TEAD1: variants seen among roughly 807,000 people sequenced by gnomAD.
TEAD1 encodes transcriptional enhancer factor TEF-1.
Under a neutral mutation model 54.9 loss-of-function variants are expected in TEAD1, and 9 were observed. The observed-to-expected ratio is 0.16, with a 90% confidence interval of 0.10 to 0.29. The LOEUF is 0.29. TEAD1 is among the 10% of genes least tolerant of loss of function. The pLI is 1.00. For missense variants in TEAD1, 387 were observed against 535.9 expected (o/e 0.72, Z 2.74); for synonymous variants, 200 against 187.8 (o/e 1.07, Z -0.53).
intron 2 of TEAD1, among the ~76,000 whole-genome samples, chr11:12,694,768 G>A (rs1943543726): frequency 6.6e-6 from 1 of 152,176 alleles, no homozygotes; most frequent in Non-Finnish European, 1.5e-5. Flanking sequence ...GTGTTAGCTA[G>A]CGTGGGATTT....
intron 5 of TEAD1, among the ~76,000 whole-genome samples, chr11:12,872,796 C>T (rs958233932): frequency 3.9e-5 from 6 of 152,208 alleles, no homozygotes; most frequent in East Asian, 1.9e-4. Context: ...GACAAGGGCT[C>T]CTGAGTATTT....
chr11:12,721,334 C>G (rs1006286578), intron 2 of TEAD1, among the ~76,000 whole-genome samples: 2 of 152,128 alleles, frequency 1.3e-5, no homozygotes, highest in Admixed American at 6.5e-5. Flanking sequence ...TTTTCTGGCT[C>G]TTGCGAGTGC....
intron 3 of TEAD1, among the ~76,000 whole-genome samples, chr11:12,804,084 G>C (rs1325143156): frequency 6.6e-6 from 1 of 152,208 alleles, no homozygotes. Context: ...ATTTAATTTT[G>C]AGGCACGTGT....
At chr11:12,847,474 T>G (rs1947178065) in intron 3 of TEAD1, among the ~76,000 whole-genome samples, 2 of 131,926 alleles carry the variant, frequency 1.5e-5, no homozygotes, top group Non-Finnish European at 3.2e-5. Context: ...AATCATTCAT[T>G]GTTCAGTAGA....
chr11:12,760,556 T>C (rs886521049), intron 2 of TEAD1, among the ~76,000 whole-genome samples: 3 of 152,310 alleles, frequency 2.0e-5, no homozygotes, highest in Admixed American at 6.5e-5. Flanking sequence ...TTAAAGGATA[T>C]ATATGTATGG....
intron 3 of TEAD1, among the ~76,000 whole-genome samples, chr11:12,822,874 G>A (rs1008395392): frequency 1.3e-5 from 2 of 152,008 alleles, no homozygotes; most frequent in African/African-American, 4.8e-5. Context: ...AGCTTATCAG[G>A]GTAATCTTTG....
At chr11:12,878,978 A>C in intron 5 of TEAD1, 1 of 1,147,452 alleles carries the variant, frequency 8.7e-7, no homozygotes, top group Non-Finnish European at 1.1e-6. Context: ...TTGTGTTGTT[A>C]GCCTTGGCTT....
At chr11:12,891,857 G>C (rs150342243) in intron 9 of TEAD1, among the ~76,000 whole-genome samples, 16 of 152,344 alleles carry the variant, frequency 1.1e-4, no homozygotes, top group Admixed American at 1.0e-3. Context: ...GGACAGGAGA[G>C]AGTTCCTGAA....
chr11:12,917,254 A>G (rs537558014), intron 10 of TEAD1, among the ~76,000 whole-genome samples: 18 of 152,202 alleles, frequency 1.2e-4, no homozygotes, highest in South Asian at 6.3e-4. Context: ...AAATGGAGCA[A>G]GGGGCTCCGG....
At chr11:12,897,236 A>T (rs1948330789) in intron 9 of TEAD1, among the ~76,000 whole-genome samples, 1 of 152,134 alleles carries the variant, frequency 6.6e-6, no homozygotes, top group Admixed American at 6.5e-5. Flanking sequence ...GGAAACTACC[A>T]CTGCTGGAGA....
At chr11:12,877,442 C>G (rs1047407665) in intron 5 of TEAD1, among the ~76,000 whole-genome samples, 1 of 152,096 alleles carries the variant, frequency 6.6e-6, no homozygotes, top group Non-Finnish European at 1.5e-5. Flanking sequence ...CATCTGAGGT[C>G]GGGAGTTCGA....
At chr11:12,734,174 C>T (rs562755765) in intron 2 of TEAD1, among the ~76,000 whole-genome samples, 11 of 151,948 alleles carry the variant, frequency 7.2e-5, no homozygotes, top group East Asian at 5.8e-4. Context: ...CCTAGGCCTC[C>T]GGAGTAGCTG....
chr11:12,755,941 T>C (rs893979933), intron 2 of TEAD1, among the ~76,000 whole-genome samples: 2 of 152,158 alleles, frequency 1.3e-5, no homozygotes, highest in African/African-American at 4.8e-5. Context: ...AACAGATTCA[T>C]TAAGGGGATG....
chr11:12,700,966 C>A (rs951157802), intron 2 of TEAD1, among the ~76,000 whole-genome samples: 2 of 152,152 alleles, frequency 1.3e-5, no homozygotes, highest in Non-Finnish European at 2.9e-5. Context: ...TTGGGAAAGA[C>A]AAAGCACAGA....
chr11:12,869,464 G>A (rs1218003604), intron 5 of TEAD1, among the ~76,000 whole-genome samples: 1 of 152,176 alleles, frequency 6.6e-6, no homozygotes, highest in Non-Finnish European at 1.5e-5. Context: ...TATGAAGTCT[G>A]AAAAGTGTTG....
rs988709159 is a variant in TEAD1, at chr11:12,944,618, C to G, written c.*7396C>G. ...TCAGTTCCTGCAGGTGTTTTCATGT[C>G]TTTGCAAAGTGACACATTTTGATGC... On this transcript the variant is annotated 3_prime_UTR_variant, in exon 13 of 13. Coordinates refer to ENST00000527636, the MANE Select transcript of TEAD1 (RefSeq NM_021961.6). 6.6e-6 allele frequency: 1 copy of G among 152,512 alleles called. No individual in the cohort carries two copies. The highest frequency in any genetic ancestry group is 1.5e-5 in the Non-Finnish European group (1 of 67,998). The allele number at this position is 152,512 out of a possible 1,614,324, so 9.4% of individuals were successfully genotyped here.
intron 3 of TEAD1, among the ~76,000 whole-genome samples, chr11:12,780,922 A>G (rs773145961): frequency 3.9e-5 from 6 of 152,216 alleles, no homozygotes; most frequent in Non-Finnish European, 8.8e-5. Flanking sequence ...ACAAAGTTGG[A>G]GGACTCACAC....
intron 2 of TEAD1, among the ~76,000 whole-genome samples, chr11:12,713,935 C>G (rs1034411500): frequency 2.0e-5 from 3 of 152,224 alleles, no homozygotes; most frequent in African/African-American, 7.2e-5. Context: ...ACTGGCCAGC[C>G]TTCAGACTTT....
intron 10 of TEAD1, among the ~76,000 whole-genome samples, chr11:12,911,678 C>CTTTTT (rs386373128): frequency 7.3e-6 from 1 of 136,974 alleles, no homozygotes; most frequent in African/African-American, 2.7e-5. Flanking sequence ...TTACATGAGT[C>CTTTTT]TTTTTTTTTT....
Sources: gnomAD v4.1 joint callset for allele counts (sites outside exome capture counted in the v4.1 genomes callset) on GRCh38, gnomAD v4.1.1 for gene constraint, MANE v1.5 for transcripts, NCBI Gene and HGNC (gene_info 2026-07-23, HGNC 2026-07-21) for gene names.